PSD3: variants seen among roughly 807,000 people sequenced by gnomAD.
The protein encoded by PSD3 is PH and SEC7 domain-containing protein 3.
In PSD3, 49 loss-of-function variants were observed where a neutral mutation model predicts 105.5. The observed-to-expected ratio is 0.46, with a 90% CI of 0.37 to 0.59. The LOEUF is 0.59. PSD3 is among the 20% of genes least tolerant of loss of function. The pLI, the probability that PSD3 is intolerant of heterozygous loss-of-function variation, is 0.00. For missense variants in PSD3, 1,561 were observed against 1,263.8 expected, an observed-to-expected ratio of 1.24 and a Z score of -3.57; for synonymous variants, 557 against 457.8, an observed-to-expected ratio of 1.22 and a Z score of -2.77.
intron 9 of PSD3, among the ~76,000 whole-genome samples, chr8:18,673,243 T>C (rs1008743779): frequency 1.3e-5 from 2 of 151,904 alleles, no homozygotes; most frequent in African/African-American, 2.4e-5. Flanking sequence ...GCCCGTCTCT[T>C]TCTTTCCACT....
chr8:19,007,341 C>T (rs190807840), intron 1 of PSD3, among the ~76,000 whole-genome samples: 2 of 152,110 alleles, frequency 1.3e-5, no homozygotes, highest in Admixed American at 6.5e-5. Context: ...TAAAGTTGCC[C>T]TAATATAGTA....
At chr8:18,739,918 C>A (rs1439366503) in intron 9 of PSD3, among the ~76,000 whole-genome samples, 1 of 152,164 alleles carries the variant, frequency 6.6e-6, no homozygotes, top group Non-Finnish European at 1.5e-5. Flanking sequence ...GTAACATTAT[C>A]AGCTATCTTT....
At chr8:19,017,692 TATC>T (rs571552625), upstream of PSD3, among the ~76,000 whole-genome samples, 65 of 152,358 alleles carry the variant, frequency 4.3e-4, no homozygotes, top group African/African-American at 1.5e-3. Flanking sequence ...TTCTTGCACT[TATC>T]ATAATGTTTT....
chr8:18,696,945 C>G (rs7017777), intron 9 of PSD3, among the ~76,000 whole-genome samples: 137,084 of 152,162 alleles, frequency 0.9, 62,274 homozygotes, highest in Non-Finnish European at 0.96. Context: ...CAAAATGTTA[C>G]CATTTCAGGC....
chr8:18,603,211 T>C (rs1221047196), intron 11 of PSD3, among the ~76,000 whole-genome samples: 1 of 152,228 alleles, frequency 6.6e-6, no homozygotes, highest in Non-Finnish European at 1.5e-5. Flanking sequence ...AATCAATTGC[T>C]TTCCTTCTTG....
chr8:18,566,616 T>G (rs867475750), intron 14 of PSD3, among the ~76,000 whole-genome samples: 1 of 152,060 alleles, frequency 6.6e-6, no homozygotes, highest in African/African-American at 2.4e-5. Flanking sequence ...AAGCAAATGC[T>G]GGGTGATGCA....
intron 1 of PSD3, among the ~76,000 whole-genome samples, chr8:19,038,358 T>A (rs1429352490): frequency 6.6e-6 from 1 of 152,266 alleles, no homozygotes; most frequent in Admixed American, 6.5e-5. Flanking sequence ...TTCTTTCTTT[T>A]ACAGGACTTT....
intron 9 of PSD3, among the ~76,000 whole-genome samples, chr8:18,728,720 G>A (rs1354104193): frequency 6.6e-6 from 1 of 152,160 alleles, no homozygotes; most frequent in Non-Finnish European, 1.5e-5. Flanking sequence ...TCATGCATAA[G>A]TTAATTAGCT....
intron 9 of PSD3, among the ~76,000 whole-genome samples, chr8:18,725,313 G>C (rs1290856779): frequency 6.6e-6 from 1 of 151,996 alleles, no homozygotes; most frequent in Non-Finnish European, 1.5e-5. Context: ...AACAGACAAG[G>C]GACAGAAATA....
chr8:18,989,735 G>T (rs1019854299), intron 1 of PSD3, among the ~76,000 whole-genome samples: 6 of 152,118 alleles, frequency 3.9e-5, no homozygotes, highest in Non-Finnish European at 7.3e-5. Context: ...CCTTTAAGCT[G>T]CCTCTCAAGA....
rs1482152702 is a variant in PSD3, at chr8:18,804,507, G to T, written c.1910+15C>A. ...TTTGAAAGCAATGACGAGCAGCAAG[G>T]AGGCTTAGTCATACCTGAGTGACTG... On this transcript the variant is annotated intron_variant, in intron 6 of 15. Transcript: ENST00000327040. 2 of 1,572,444 alleles carry T rather than the reference G, an allele frequency of 1.3e-6. No individual in the cohort carries two copies. The highest frequency in any genetic ancestry group is 1.7e-6 in the Non-Finnish European group (2 of 1,145,546).
intron 10 of PSD3, among the ~76,000 whole-genome samples, chr8:18,641,719 G>T (rs1371123227): frequency 6.6e-6 from 1 of 152,282 alleles, no homozygotes; most frequent in Non-Finnish European, 1.5e-5. Context: ...AAAGGTGGTG[G>T]TTGAATGCAG....
intron 12 of PSD3, among the ~76,000 whole-genome samples, chr8:18,590,050 C>T (rs1358126547): frequency 6.6e-6 from 1 of 151,668 alleles, no homozygotes; most frequent in African/African-American, 2.4e-5. Context: ...AAGAAAACAA[C>T]AACAACAACA....
intron 14 of PSD3, among the ~76,000 whole-genome samples, chr8:18,562,361 C>T (rs1014892539): frequency 2.0e-5 from 3 of 152,332 alleles, no homozygotes; most frequent in Admixed American, 2.0e-4. Context: ...GACAGAGTGG[C>T]AGAAGCCACA....
At chr8:18,879,033 AACAAACACACACAC>A (rs1266868474) in intron 2 of PSD3, among the ~76,000 whole-genome samples, 4 of 137,274 alleles carry the variant, frequency 2.9e-5, no homozygotes, top group Non-Finnish European at 4.7e-5. Flanking sequence ...AAAACAAACA[AACAAACACACACAC>A]ACAAACACAC....
rs77656697 is a variant in PSD3 at position 19,048,877 on chromosome 8, T to G, written c.324+35329A>C. 5.2e-3 allele frequency among the ~76,000 whole-genome samples: 785 copies of G among 152,302 alleles called. 7 individuals carry two copies. Among genetic ancestry groups the G allele is most frequent in the Non-Finnish European group, 8.1e-3 (554 of 68,022 alleles). On this transcript the variant is annotated intron_variant, in intron 1 of 1. Transcript: ENST00000521475. Reference sequence around the variant, plus strand: ...CAACAGAAGTTGATTTTCTCACAGCTCTGGAGACTAGAAGGCCAAGATCAA... The same window carrying G: ...CAACAGAAGTTGATTTTCTCACAGCGCTGGAGACTAGAAGGCCAAGATCAA...
At chr8:18,975,883 T>C (rs1002734811) in intron 1 of PSD3, among the ~76,000 whole-genome samples, 1 of 152,172 alleles carries the variant, frequency 6.6e-6, no homozygotes, top group African/African-American at 2.4e-5. Flanking sequence ...TCATTGGTTA[T>C]TGAGAAATAG....
At chr8:19,000,306 A>C (rs943231974) in intron 1 of PSD3, among the ~76,000 whole-genome samples, 3 of 150,938 alleles carry the variant, frequency 2.0e-5, no homozygotes, top group African/African-American at 7.3e-5. Context: ...CTGAGGTGGG[A>C]GGATAACTTG....
At chr8:18,578,681 T>G (rs537219007) in intron 12 of PSD3, among the ~76,000 whole-genome samples, 1 of 152,186 alleles carries the variant, frequency 6.6e-6, no homozygotes, top group Admixed American at 6.5e-5. Context: ...TGCTGATATC[T>G]TCATTTAAAA....
Sources: allele counts gnomAD v4.1 joint callset (sites outside exome capture counted in the v4.1 genomes callset), GRCh38; gene constraint gnomAD v4.1.1; transcripts MANE v1.5; gene names NCBI Gene and HGNC (gene_info 2026-07-23, HGNC 2026-07-21).